SRGAP2: variants seen among roughly 807,000 people sequenced by gnomAD.
SRGAP2 encodes SLIT-ROBO Rho GTPase-activating protein 2.
SRGAP2 carries 15 observed loss-of-function variants against 57.2 expected under a neutral mutation model. The observed-to-expected ratio is 0.26, with a 90% CI of 0.18 to 0.40. SRGAP2 has a LOEUF of 0.40. Ranked by LOEUF, SRGAP2 falls within the 10% of genes least tolerant of loss-of-function variation. The pLI is 1.00. For synonymous variants in SRGAP2, 249 were observed against 248.0 expected (o/e 1.00, Z -0.04); for missense variants, 520 against 669.6 (o/e 0.78, Z 2.47).
chr1:206,236,387 G>C (rs1307437487), intron 2 of SRGAP2, among the ~76,000 whole-genome samples: 1 of 152,234 alleles, frequency 6.6e-6, no homozygotes, highest in Non-Finnish European at 1.5e-5. Context: ...GTTGGTACTT[G>C]TACCTTTTCT....
intron 4 of SRGAP2, among the ~76,000 whole-genome samples, chr1:206,346,446 A>T: frequency 6.6e-6 from 1 of 152,242 alleles, no homozygotes; most frequent in Non-Finnish European, 1.5e-5. Flanking sequence ...ATAAGGACAA[A>T]CAAAAGTGGA....
chr1:206,416,005 A>T (rs1200573576), intron 11 of SRGAP2, 32 bp downstream of exon 11: 1 of 771,010 alleles, frequency 1.3e-6, no homozygotes, highest in Non-Finnish European at 2.4e-6. Flanking sequence ...TAGAGGCTTG[A>T]CAGTGAGGCC....
At chr1:206,278,111 A>AT (rs1670524780) in intron 2 of SRGAP2, among the ~76,000 whole-genome samples, 1 of 152,124 alleles carries the variant, frequency 6.6e-6, no homozygotes, top group African/African-American at 2.4e-5. Context: ...TGCAACAGGT[A>AT]TTTTTTTGAT....
At chr1:206,411,050 CGG>C (rs1419246102) in intron 10 of SRGAP2, among the ~76,000 whole-genome samples, 1 of 152,120 alleles carries the variant, frequency 6.6e-6, no homozygotes, top group Non-Finnish European at 1.5e-5. Flanking sequence ...TTAGTAGAGA[CGG>C]GGTTTCACTA....
At chr1:206,279,914 T>C (rs1409363000) in intron 2 of SRGAP2, among the ~76,000 whole-genome samples, 6 of 151,848 alleles carry the variant, frequency 4.0e-5, no homozygotes, top group Admixed American at 2.0e-4. Context: ...GAGGATCACT[T>C]TGGAGGCATT....
chr1:206,447,642 T>C (rs1662878903), intron 18 of SRGAP2, among the ~76,000 whole-genome samples: 1 of 152,204 alleles, frequency 6.6e-6, no homozygotes, highest in Non-Finnish European at 1.5e-5. Context: ...GAGCTGTCCT[T>C]GTGCATGTGA....
At chr1:206,362,687 G>T (rs1571960193) in intron 4 of SRGAP2, among the ~76,000 whole-genome samples, 1 of 146,762 alleles carries the variant, frequency 6.8e-6, no homozygotes, top group South Asian at 2.3e-4. Context: ...TAAGATAATG[G>T]TTTGGACTAA....
chr1:206,439,892 C>G (rs1662116095), intron 16 of SRGAP2, 84 bp from the exon 17 acceptor site: 5 of 721,958 alleles, frequency 6.9e-6, no homozygotes, highest in Non-Finnish European at 1.3e-5. Flanking sequence ...CCGTGTTGCC[C>G]CTGCTGGTAG....
Position 206,454,845 on chromosome 1 carries a change from C to CTCCT in SRGAP2, c.2361-32_2361-29dup, listed in dbSNP as rs782730630. 2.8e-6 allele frequency: 2 copies of CTCCT among 724,346 alleles called. No individual in the cohort carries two copies. Among genetic ancestry groups the CTCCT allele is most frequent in the Admixed American group, 3.9e-5 (2 of 51,316 alleles). 44.9% of individuals were successfully genotyped at this position (724,346 alleles called of 1,614,324 possible). A position where few individuals can be genotyped will look rare whatever the true frequency, so the allele number is the denominator to read the frequency against. On this transcript the variant is annotated intron_variant, in intron 20 of 22. Transcript: ENST00000573034. The surrounding 1 kb of genome is among the most constrained non-coding windows in gnomAD (Gnocchi z 4.3). Reference sequence around the variant, plus strand: ...GCTTTTTGTGTTGTTGTTGTTTTCCCTCCTCCCTGCCTGCCTGCCCCTTCT... The same window carrying CTCCT: ...GCTTTTTGTGTTGTTGTTGTTTTCCCTCCTTCCTCCCTGCCTGCCTGCCCCTTCT...
intron 17 of SRGAP2, among the ~76,000 whole-genome samples, chr1:206,442,566 G>T (rs1553372386): frequency 1.3e-5 from 2 of 152,214 alleles, no homozygotes; most frequent in Non-Finnish European, 2.9e-5. Flanking sequence ...CAGGGTTGCT[G>T]CTTGCAGAGA....
chr1:206,425,938 CT>C (rs1660763344), intron 13 of SRGAP2, among the ~76,000 whole-genome samples: 1 of 151,826 alleles, frequency 6.6e-6, no homozygotes, highest in Non-Finnish European at 1.5e-5. Context: ...CCTCCACCTC[CT>C]GGATTGAAGC....
At chr1:206,430,102 C>T in intron 13 of SRGAP2, 60 bp from the exon 14 acceptor site, 1 of 778,724 alleles carries the variant, frequency 1.3e-6, no homozygotes. Flanking sequence ...CCCGTTTTCT[C>T]TGACCCTGGG....
At chr1:206,254,704 C>A (rs1427429068) in intron 2 of SRGAP2, among the ~76,000 whole-genome samples, 1 of 150,548 alleles carries the variant, frequency 6.6e-6, no homozygotes, top group Admixed American at 6.6e-5. Flanking sequence ...GTCTTGATTC[C>A]TTTTAGTAGA....
At chr1:206,267,358 A>C (rs1176511301) in intron 2 of SRGAP2, among the ~76,000 whole-genome samples, 1 of 151,598 alleles carries the variant, frequency 6.6e-6, no homozygotes, top group Admixed American at 6.6e-5. Context: ...TTGGGTTGCT[A>C]TTCTGAGGTG....
In SRGAP2 at chr1:206,461,727, G is replaced by A. The variant is rs999044774; in HGVS notation, c.*307G>A. ...TGAAATCTGGTAAGGCAGTCCTGAG[G>A]ACATGGGCTCAAGTCTCAGTCCCCT... On this transcript the variant is annotated 3_prime_UTR_variant, in exon 23 of 23. Transcript: ENST00000573034. The A allele has an allele frequency of 6.7e-6, 2 of 296,816 alleles. No homozygotes were observed. The highest frequency in any genetic ancestry group is 6.3e-5 in the East Asian group (1 of 15,858). 18.4% of individuals were successfully genotyped at this position (296,816 alleles called of 1,614,324 possible).
At chr1:206,254,648 G>A (rs1280866853) in intron 2 of SRGAP2, among the ~76,000 whole-genome samples, 1 of 151,608 alleles carries the variant, frequency 6.6e-6, no homozygotes, top group African/African-American at 2.4e-5. Flanking sequence ...GATGTTCCAG[G>A]ATCTATATCC....
intron 4 of SRGAP2, among the ~76,000 whole-genome samples, chr1:206,347,092 T>C (rs1429496354): frequency 6.9e-6 from 1 of 145,610 alleles, no homozygotes; most frequent in Non-Finnish European, 1.5e-5. Context: ...CCTCCCCCAC[T>C]TAAAAAAAAT....
chr1:206,295,228 T>TA (rs1671524296), intron 2 of SRGAP2, among the ~76,000 whole-genome samples: 1 of 151,346 alleles, frequency 6.6e-6, no homozygotes, highest in South Asian at 2.1e-4. Context: ...TCTTTTTTTT[T>TA]ATTTTTATTT....
chr1:206,239,356 A>G (rs1241303065), intron 2 of SRGAP2, among the ~76,000 whole-genome samples: 13 of 150,220 alleles, frequency 8.7e-5, no homozygotes, highest in Admixed American at 4.0e-4. Flanking sequence ...GTTGGAGGCC[A>G]CCTTCTTTAG....
Sources: gnomAD v4.1 joint callset for allele counts (sites outside exome capture counted in the v4.1 genomes callset) on GRCh38, gnomAD v4.1.1 for gene constraint, Gnocchi (gnomAD v3.1) non-coding constraint, MANE v1.5 for transcripts, NCBI Gene and HGNC (gene_info 2026-07-23, HGNC 2026-07-21) for gene names.